The following PRIM2 variants were observed in gnomAD, a reference collection of about 807,000 sequenced individuals.
PRIM2 encodes the protein DNA primase large subunit.
Under a neutral mutation model 67.3 loss-of-function variants are expected in PRIM2, and 39 were observed. The observed-to-expected ratio is 0.58, with a 90% CI of 0.45 to 0.76. The LOEUF is 0.76. Among genes scored for constraint, PRIM2 ranks in the 30% least tolerant of loss-of-function variants. PRIM2 has a pLI of 0.00. For synonymous variants in PRIM2, 143 were observed against 198.7 expected (o/e 0.72, Z 2.36); for missense variants, 398 against 598.7 (o/e 0.66, Z 3.50).
chr6:57,532,006 CAG>C (rs1310667542), intron 8 of PRIM2, among the ~76,000 whole-genome samples: 3 of 152,098 alleles, frequency 2.0e-5, no homozygotes, highest in Non-Finnish European at 1.5e-5. Flanking sequence ...ACCTGGCATA[CAG>C]AGAGTAACTA....
the PRIM2 span, among the ~76,000 whole-genome samples, chr6:57,251,661 G>A: frequency 3.3e-5 from 5 of 152,178 alleles, no homozygotes; most frequent in Non-Finnish European, 7.4e-5. Context: ...TACAGAAGGG[G>A]AAATGAGCTG....
At chr6:57,311,022 C>T (rs1488625070), upstream of PRIM2, among the ~76,000 whole-genome samples, 5 of 147,614 alleles carry the variant, frequency 3.4e-5, no homozygotes, top group Admixed American at 2.7e-4. Flanking sequence ...TCTAGGCGGC[C>T]GGGCAGAGAC....
At chr6:57,435,730 G>T (rs1771989672) in intron 7 of PRIM2, among the ~76,000 whole-genome samples, 1 of 152,116 alleles carries the variant, frequency 6.6e-6, no homozygotes. Context: ...GCCATCTATT[G>T]TCAAAGATAA....
intron 7 of PRIM2, among the ~76,000 whole-genome samples, chr6:57,446,232 C>G (rs2127387718): frequency 6.6e-6 from 1 of 151,316 alleles, no homozygotes; most frequent in African/African-American, 2.4e-5. Flanking sequence ...TTTCTGTTCT[C>G]AAATCTATTG....
At chr6:57,573,093 G>C (rs1328077664) in intron 10 of PRIM2, among the ~76,000 whole-genome samples, 1 of 152,108 alleles carries the variant, frequency 6.6e-6, no homozygotes, top group Non-Finnish European at 1.5e-5. Flanking sequence ...CAAATTGCTG[G>C]GATTATATGC....
At chr6:57,580,328 T>C (rs1776058303) in intron 10 of PRIM2, among the ~76,000 whole-genome samples, 1 of 152,246 alleles carries the variant, frequency 6.6e-6, no homozygotes, top group Non-Finnish European at 1.5e-5. Flanking sequence ...ATGAGTAGTG[T>C]AGGGGAGAAA....
In PRIM2 at chr6:57,646,198, G is replaced by C; in HGVS notation, c.*40G>C. Reference sequence around the variant, plus strand: ...CTTTTTCCTCAATAGCCTGTTTCCTGTTTTTAAGATTTTGCCTTTGTTGTT... The same window carrying C: ...CTTTTTCCTCAATAGCCTGTTTCCTCTTTTTAAGATTTTGCCTTTGTTGTT... On this transcript the variant is annotated 3_prime_UTR_variant, in exon 14 of 14. Coordinates refer to ENST00000615550, the MANE Select transcript of PRIM2 (RefSeq NM_000947.5). 3.0e-6 allele frequency: 4 copies of C among 1,327,464 alleles called. No homozygotes were observed. In the South Asian group the frequency reaches 4.9e-5, roughly 16 times the overall value. 82.2% of individuals were successfully genotyped at this position (1,327,464 alleles called of 1,614,324 possible). A position where few individuals can be genotyped will look rare whatever the true frequency, so the allele number is the denominator to read the frequency against.
At chr6:57,421,084 G>A (rs1255797790) in intron 7 of PRIM2, among the ~76,000 whole-genome samples, 1 of 152,168 alleles carries the variant, frequency 6.6e-6, no homozygotes, top group Non-Finnish European at 1.5e-5. Flanking sequence ...AAGGATGGAA[G>A]AGCACTCAGA....
At position 57,500,302 on chromosome 6, in the gene PRIM2, T is replaced by G. The variant is rs1297318025; in HGVS notation, c.694-7085T>G. Among the ~76,000 whole-genome samples the G allele has an allele frequency of 1.6e-3, 249 of 152,340 alleles. 1 individual carries two copies. Among genetic ancestry groups the G allele is most frequent in the Admixed American group, 3.2e-3 (49 of 15,302 alleles). On this transcript the variant is annotated intron_variant, in intron 7 of 13. Coordinates refer to ENST00000615550, the MANE Select transcript of PRIM2 (RefSeq NM_000947.5). ...CCCTCCTCCAAGCCGTTCCTCACCCTGCTAGAAAATAAGTCAGTTTTCACT... is the reference window on the plus strand; with the variant it reads ...CCCTCCTCCAAGCCGTTCCTCACCCGGCTAGAAAATAAGTCAGTTTTCACT...
At chr6:57,240,100 T>TTTGTTG in the PRIM2 span, among the ~76,000 whole-genome samples, 1 of 141,612 alleles carries the variant, frequency 7.1e-6, no homozygotes, top group Non-Finnish European at 1.5e-5. Flanking sequence ...TGTTTTTTTT[T>TTTGTTG]TTTTTTTTTT....
chr6:57,272,312 G>A, the PRIM2 span, among the ~76,000 whole-genome samples: 1 of 152,168 alleles, frequency 6.6e-6, no homozygotes, highest in Non-Finnish European at 1.5e-5. Context: ...GGGTGCTCCT[G>A]TATTGGGTGC....
At chr6:57,235,556 T>C in the PRIM2 span, among the ~76,000 whole-genome samples, 2 of 152,246 alleles carry the variant, frequency 1.3e-5, no homozygotes, top group Non-Finnish European at 2.9e-5. Flanking sequence ...AGTGTCACTT[T>C]AGCATCTGTG....
the PRIM2 span, among the ~76,000 whole-genome samples, chr6:57,309,077 C>G: frequency 6.6e-6 from 1 of 151,512 alleles, no homozygotes; most frequent in African/African-American, 2.4e-5. Flanking sequence ...AGGCAGAGGT[C>G]CCTGCGGCCT....
At chr6:57,448,599 T>G (rs11967730) in intron 7 of PRIM2, among the ~76,000 whole-genome samples, 19 of 152,056 alleles carry the variant, frequency 1.2e-4, no homozygotes, top group African/African-American at 4.3e-4. Context: ...GGTTATACAT[T>G]GGTTTGGCCC....
At chr6:57,478,843 T>C (rs1773545925) in intron 7 of PRIM2, among the ~76,000 whole-genome samples, 1 of 152,218 alleles carries the variant, frequency 6.6e-6, no homozygotes, top group South Asian at 2.1e-4. Flanking sequence ...AACGATACTC[T>C]GGTTAAAGAT....
intron 7 of PRIM2, among the ~76,000 whole-genome samples, chr6:57,495,398 T>C (rs1320600038): frequency 2.6e-5 from 4 of 152,198 alleles, no homozygotes; most frequent in Non-Finnish European, 4.4e-5. Flanking sequence ...GAAGACATCA[T>C]TGTGCTCTAA....
chr6:57,583,751 ACTGACTT>A (rs1235812480), intron 10 of PRIM2, among the ~76,000 whole-genome samples: 1 of 152,272 alleles, frequency 6.6e-6, no homozygotes, highest in African/African-American at 2.4e-5. Flanking sequence ...GAATCGCCAC[ACTGACTT>A]CTACAATGGT....
intron 9 of PRIM2, 78 bp downstream of exon 9, chr6:57,532,561 G>A (rs1774915308): frequency 1.7e-5 from 10 of 574,582 alleles, no homozygotes; most frequent in Non-Finnish European, 2.0e-5. Flanking sequence ...AGACTTTTGG[G>A]TGAGGAGATA....
intron 5 of PRIM2, among the ~76,000 whole-genome samples, chr6:57,329,660 C>A (rs1477977573): frequency 6.6e-6 from 1 of 152,052 alleles, no homozygotes; most frequent in Non-Finnish European, 1.5e-5. Context: ...CCCCTGCCGC[C>A]CTGTGAAGAG....
Sources: allele counts gnomAD v4.1 joint callset (sites outside exome capture counted in the v4.1 genomes callset), GRCh38; gene constraint gnomAD v4.1.1; transcripts MANE v1.5; gene names NCBI Gene and HGNC (gene_info 2026-07-23, HGNC 2026-07-21).